The following INTS2 variants were observed in gnomAD, a reference collection of about 807,000 sequenced individuals.
The protein encoded by INTS2 is KIAA1287.
In INTS2, 57 loss-of-function variants were observed where a neutral mutation model predicts 139.6. The ratio of observed to expected loss-of-function variants is 0.41; its 90% CI spans 0.33 to 0.51. INTS2 has a LOEUF of 0.51. INTS2 is among the 20% of genes least tolerant of loss of function. The pLI, the probability that INTS2 is intolerant of heterozygous loss-of-function variation, is 0.28. For synonymous variants in INTS2, 473 were observed against 493.4 expected (o/e 0.96, Z 0.55); for missense variants, 1,196 against 1,436.7 (o/e 0.83, Z 2.71).
intron 9 of INTS2, among the ~76,000 whole-genome samples, chr17:61,898,494 C>T (rs2079371993): frequency 6.6e-6 from 1 of 152,112 alleles, no homozygotes; most frequent in Admixed American, 6.6e-5. Context: ...GGAGGTCTCA[C>T]TATGTTGCCC....
rs764764081 is a variant in INTS2, at chr17:61,927,932, C to G, written c.-297G>C. On this transcript the variant is annotated 5_prime_UTR_variant, in exon 1 of 25. Coordinates refer to ENST00000251334, the MANE Select transcript of INTS2 (RefSeq NM_001351695.2). ...GGAGACTTTTTCAACCTGCACCCAG[C>G]ACCTTCATTCATCCCCAGCGTCTGA... The G allele has an allele frequency of 6.2e-7, 1 of 1,614,010 alleles. No homozygotes were observed.
At position 61,903,360 on chromosome 17, in the gene INTS2, T is replaced by C. The variant is rs575883628; in HGVS notation, c.1307+1100A>G. Among the ~76,000 whole-genome samples, 5 of 151,134 alleles carry C rather than the reference T, an allele frequency of 3.3e-5. No homozygotes were observed. In the East Asian group the frequency reaches 8.0e-4, roughly 24 times the overall value. Reference sequence around the variant, plus strand: ...TGTGAGCCACCACGCCTGGGTAATATGATGATATGAGATATAAGAAACAGA... The same window carrying C: ...TGTGAGCCACCACGCCTGGGTAATACGATGATATGAGATATAAGAAACAGA... On this transcript the variant is annotated intron_variant, in intron 9 of 24. Coordinates refer to ENST00000251334, the MANE Select transcript of INTS2 (RefSeq NM_001351695.2).
At chr17:61,911,183 C>T (rs2079523049) in intron 7 of INTS2, 1 of 325,836 alleles carries the variant, frequency 3.1e-6, no homozygotes, top group Non-Finnish European at 5.5e-6. Flanking sequence ...ACCCTAGAAC[C>T]CCCTGGCTTA....
At position 61,921,744 on chromosome 17, in the gene INTS2, T is replaced by A. The variant is rs770923828; in HGVS notation, c.516A>T (p.Val172=). The A allele has an allele frequency of 3.8e-6, 6 of 1,594,594 alleles. No individual in the cohort carries two copies. The highest frequency in any genetic ancestry group is 4.3e-6 in the Non-Finnish European group (5 of 1,169,178). Reference sequence around the variant, plus strand: ...CAGTACCTGCTTGTAAAATACAAAGTACATCTGCAGCTTCCTCCAAATATA... The same window carrying A: ...CAGTACCTGCTTGTAAAATACAAAGAACATCTGCAGCTTCCTCCAAATATA... The part of the protein sequence containing the change: ...SPVYLEEAAD[V]LCILQAELPS... Residue 172 remains valine, a synonymous_variant, in exon 4 of 25, where the codon GTA becomes GTT. Coordinates refer to ENST00000251334, the MANE Select transcript of INTS2 (RefSeq NM_001351695.2).
chr17:61,866,552 C>T lies in INTS2; in HGVS notation c.*1005G>A, dbSNP rs576180594. ...ACTGACAGAGGACTGCAAAATCCTT[C>T]GGCAAGACAATATTTTCTACACTTT... On this transcript the variant is annotated 3_prime_UTR_variant, in exon 25 of 25. Transcript: ENST00000251334. 1.3e-5 allele frequency: 2 copies of T among 152,104 alleles called. No homozygotes were observed. Among genetic ancestry groups the T allele is most frequent in the African/African-American group, 2.4e-5 (1 of 41,488 alleles). 9.4% of individuals were successfully genotyped at this position (152,104 alleles called of 1,614,324 possible).
chr17:61,893,955 G>C lies in INTS2; in HGVS notation c.1564-56C>G, dbSNP rs1449537570. The C allele has an allele frequency of 5.6e-6, 7 of 1,252,996 alleles. No homozygotes were observed. In the East Asian group the frequency reaches 1.6e-4, roughly 29 times the overall value. 77.6% of individuals were successfully genotyped at this position (1,252,996 alleles called of 1,614,324 possible). The stretch of plus-strand genomic sequence containing the variant: ...ATAGAACTAAATATAAAATTATTTT[G>C]AAAGAGAGATTAGTAAGTAGACTGT... On this transcript the variant is annotated intron_variant, in intron 12 of 24. Coordinates refer to ENST00000251334, the MANE Select transcript of INTS2 (RefSeq NM_001351695.2). The surrounding 1 kb of genome is among the most constrained non-coding windows in gnomAD (Gnocchi z 5.4).
chr17:61,925,804 C>T (rs747488915), intron 2 of INTS2, among the ~76,000 whole-genome samples: 36 of 151,618 alleles, frequency 2.4e-4, no homozygotes, highest in Non-Finnish European at 2.6e-4. Context: ...GCAGGTGGAT[C>T]ACCTGAGGCC....
chr17:61,881,552 G>T (rs573218469), intron 16 of INTS2, among the ~76,000 whole-genome samples: 1 of 152,106 alleles, frequency 6.6e-6, no homozygotes, highest in Non-Finnish European at 1.5e-5. Context: ...AGCCAGGATC[G>T]CAACATTGCA....
chr17:61,907,707 G>T, intron 7 of INTS2, 73 bp from the exon 8 acceptor site: 1 of 1,175,070 alleles, frequency 8.5e-7, no homozygotes, highest in Non-Finnish European at 1.2e-6. Context: ...CTAAAACATA[G>T]CACCCCACTT....
intron 3 of INTS2, among the ~76,000 whole-genome samples, chr17:61,922,599 AACAAAATCT>A (rs1277524419): frequency 4.1e-5 from 6 of 147,472 alleles, no homozygotes; most frequent in African/African-American, 1.2e-4. Flanking sequence ...AAGTTTAGAT[AACAAAATCT>A]ACTAAGCTTT....
chr17:61,894,123 TAC>T (rs1344660411), intron 12 of INTS2: 1 of 316,454 alleles, frequency 3.2e-6, no homozygotes, highest in African/African-American at 2.2e-5. Flanking sequence ...CATAGATACA[TAC>T]ACAGTGGTGT....
chr17:61,898,280 T>C (rs531387030), intron 9 of INTS2, among the ~76,000 whole-genome samples: 221 of 152,242 alleles, frequency 1.5e-3, no homozygotes, highest in African/African-American at 5.1e-3. Flanking sequence ...TTACCAGATA[T>C]GAAAAATGGC....
At chr17:61,879,029 TC>T (rs910329772) in intron 17 of INTS2, among the ~76,000 whole-genome samples, 7 of 150,616 alleles carry the variant, frequency 4.6e-5, no homozygotes, top group African/African-American at 1.7e-4. Flanking sequence ...TTATTTTTTT[TC>T]ATTTTAGAGA....
rs761621425 is a variant in INTS2, at chr17:61,869,886, C to T, written c.2881G>A (p.Val961Ile). ...TTATTTGGAGCGCTGGTGGTAATAA[C>T]ACTTTGAACATTTCTTAACAAGCTA... is the stretch of plus-strand genomic sequence containing the variant. ...PDSLLRNVQS[V>I]ITTSAPNKGM... The change falls in exon 21 of 25, where the codon GTT becomes ATT. Residue 961 changes from valine (V) to isoleucine (I), a missense_variant. Around this residue, in one of 3 missense-constraint regions of INTS2, gnomAD observed 1,129 missense variants for 1,341.9 expected, o/e 0.84. Transcript: ENST00000251334. The surrounding 1 kb of genome is among the most constrained non-coding windows in gnomAD (Gnocchi z 5.4). The T allele has an allele frequency of 3.7e-6, 6 of 1,613,910 alleles. No individual in the cohort carries two copies. Among genetic ancestry groups the T allele is most frequent in the Admixed American group, 1.7e-5 (1 of 60,024 alleles).
At position 61,926,611 on chromosome 17, in the gene INTS2, G is replaced by A. The variant is rs74618949; in HGVS notation, c.34C>T (p.Pro12Ser). ...TTCTGCATTGCCTCAAAAGCAAAAGGGCTGACAAACTGAAGACTTGTACAT... is the reference window on the plus strand; with the variant it reads ...TTCTGCATTGCCTCAAAAGCAAAAGAGCTGACAAACTGAAGACTTGTACAT... ...TECTSLQFVS[P>S]FAFEAMQKVD... The change falls in exon 2 of 25, where the codon CCT (proline) becomes TCT (serine). Residue 12 changes from proline (P) to serine (S), a missense_variant. Coordinates refer to ENST00000251334, the MANE Select transcript of INTS2 (RefSeq NM_001351695.2). 6.8e-6 allele frequency: 11 copies of A among 1,611,840 alleles called. No homozygotes were observed. In the East Asian group the frequency reaches 2.2e-4, roughly 33 times the overall value.
chr17:61,869,843 TCTC>T lies in INTS2; in HGVS notation c.2921_2923del (p.Gly974del), dbSNP rs1300190621. On this transcript the variant is annotated inframe_deletion, in exon 21 of 25. Coordinates refer to ENST00000251334, the MANE Select transcript of INTS2 (RefSeq NM_001351695.2). This position sits in a 1 kb window ranked among gnomAD's most constrained non-coding sequence, Gnocchi z 5.4. ...TCGAAGGTTACAGAGCAAATTGTCTTCTCCTTCCTCCATTCCCTTATTTGGAGC... is the reference window on the plus strand; with the variant it reads ...TCGAAGGTTACAGAGCAAATTGTCTTCTTCCTCCATTCCCTTATTTGGAGC... The T allele has an allele frequency of 6.2e-7, 1 of 1,613,812 alleles. No individual in the cohort carries two copies. Among genetic ancestry groups the T allele is most frequent in the Non-Finnish European group, 8.5e-7 (1 of 1,179,844 alleles).
chr17:61,885,016 T>TA lies in INTS2; in HGVS notation c.1985-12dup, dbSNP rs755346752. On this transcript the variant is annotated splice_polypyrimidine_tract_variant and intron_variant, in intron 15 of 24. Transcript: ENST00000251334. ...TTCTTTGCATGGCAGCTATCAAAGATAAAAAGTGTAAAATAAATAAAATGT... is the reference window on the plus strand; with the variant it reads ...TTCTTTGCATGGCAGCTATCAAAGATAAAAAAGTGTAAAATAAATAAAATGT... 1.2e-5 allele frequency: 18 copies of TA among 1,493,554 alleles called. No homozygotes were observed. Among genetic ancestry groups the TA allele is most frequent in the Admixed American group, 1.9e-5 (1 of 52,304 alleles). 92.5% of individuals were successfully genotyped at this position (1,493,554 alleles called of 1,614,324 possible). A position where few individuals can be genotyped will look rare whatever the true frequency, so the allele number is the denominator to read the frequency against.
intron 3 of INTS2, among the ~76,000 whole-genome samples, chr17:61,923,477 C>CAAAAAA (rs933124889): frequency 6.5e-5 from 2 of 30,682 alleles, no homozygotes; most frequent in African/African-American, 1.3e-4. Flanking sequence ...ACTCTGTCTC[C>CAAAAAA]AAAAAAAAAA....
Position 61,867,082 on chromosome 17 carries a change from T to C in INTS2, c.*475A>G, listed in dbSNP as rs2145894618. The C allele has an allele frequency of 6.6e-6, 1 of 152,336 alleles. No individual in the cohort carries two copies. The highest frequency in any genetic ancestry group is 2.1e-4 in the South Asian group (1 of 4,830). The allele number at this position is 152,336 out of a possible 1,614,324, so 9.4% of individuals were successfully genotyped here. A position where few individuals can be genotyped will look rare whatever the true frequency, so the allele number is the denominator to read the frequency against. ...AAATCTTTGAGATTTCTACTTGTGT[T>C]TTTAACTCCTATTATTTCCTTAATT... On this transcript the variant is annotated 3_prime_UTR_variant, in exon 25 of 25. Coordinates refer to ENST00000251334, the MANE Select transcript of INTS2 (RefSeq NM_001351695.2). The surrounding 1 kb of genome is among the most constrained non-coding windows in gnomAD (Gnocchi z 5.6).
Sources: allele counts gnomAD v4.1 joint callset (sites outside exome capture counted in the v4.1 genomes callset), GRCh38; gene constraint gnomAD v4.1.1; regional missense constraint gnomAD v4.1.1; non-coding constraint Gnocchi (gnomAD v3.1); transcripts MANE v1.5; gene names NCBI Gene and HGNC (gene_info 2026-07-23, HGNC 2026-07-21).